Variants in PDE7B observed in about 807,000 individuals in gnomAD.
PDE7B encodes 3',5'-cyclic-AMP phosphodiesterase 7B.
A neutral mutation model predicts 56.2 loss-of-function variants in PDE7B; 29 were observed. The ratio of observed to expected loss-of-function variants is 0.52; its 90% CI spans 0.38 to 0.70. PDE7B has a LOEUF of 0.70. PDE7B is among the 30% of genes least tolerant of loss of function. The pLI, the probability that PDE7B is intolerant of heterozygous loss-of-function variation, is 0.00. For synonymous variants in PDE7B, 197 were observed against 196.9 expected, an observed-to-expected ratio of 1.00 and a Z score of 0.00; for missense variants, 490 against 565.0, an observed-to-expected ratio of 0.87 and a Z score of 1.35.
intron 1 of PDE7B, among the ~76,000 whole-genome samples, chr6:135,938,843 C>G (rs1774462421): frequency 6.6e-6 from 1 of 152,178 alleles, no homozygotes; most frequent in South Asian, 2.1e-4. Flanking sequence ...ACAGAAAACA[C>G]AGTTCTGCAT....
At chr6:136,017,133 C>A (rs952911086) in intron 2 of PDE7B, among the ~76,000 whole-genome samples, 1 of 152,136 alleles carries the variant, frequency 6.6e-6, no homozygotes, top group Non-Finnish European at 1.5e-5. Context: ...TAATTGATAT[C>A]ATCATAAGGT....
chr6:135,853,045 T>C (rs1049589204), intron 1 of PDE7B, among the ~76,000 whole-genome samples: 21 of 152,036 alleles, frequency 1.4e-4, no homozygotes, highest in Admixed American at 3.9e-4. Context: ...ATCCAAAGAG[T>C]CGGTTTTTGT....
intron 2 of PDE7B, among the ~76,000 whole-genome samples, chr6:135,972,293 A>C (rs1308048753): frequency 1.3e-5 from 2 of 151,222 alleles, no homozygotes; most frequent in East Asian, 3.9e-4. Flanking sequence ...TGCTCCAGAC[A>C]TGCAACTCAT....
At chr6:135,932,854 A>T (rs1419451356) in intron 1 of PDE7B, among the ~76,000 whole-genome samples, 1 of 152,186 alleles carries the variant, frequency 6.6e-6, no homozygotes, top group Non-Finnish European at 1.5e-5. Flanking sequence ...CTTCCCTTTG[A>T]TTGGAGAGCA....
chr6:136,093,691 T>G (rs1360199072), intron 2 of PDE7B, among the ~76,000 whole-genome samples: 1 of 152,062 alleles, frequency 6.6e-6, no homozygotes, highest in Non-Finnish European at 1.5e-5. Context: ...CTGGGAGCCA[T>G]GAGCAGAGAG....
chr6:136,163,033 A>G (rs898337343), intron 8 of PDE7B, among the ~76,000 whole-genome samples: 1 of 152,136 alleles, frequency 6.6e-6, no homozygotes, highest in Non-Finnish European at 1.5e-5. Flanking sequence ...GGTGCAAGCT[A>G]TAGGTGGATC....
In PDE7B at chr6:136,181,125, C is replaced by G. The variant is rs929755644; in HGVS notation, c.949-102C>G. The G allele has an allele frequency of 1.3e-5, 10 of 788,768 alleles. No homozygotes were observed. The African/African-American group carries it at 1.7e-4, about 13-fold the overall frequency. 48.9% of individuals were successfully genotyped at this position (788,768 alleles called of 1,614,324 possible). On this transcript the variant is annotated intron_variant, in intron 10 of 12. Coordinates refer to ENST00000308191, the MANE Select transcript of PDE7B (RefSeq NM_018945.4). ...GTACTCTGTAAATATGGGCCTGGTA[C>G]TGTGAGCAGACTGAACAGCTTGATA...
At chr6:136,065,390 T>C (rs760680045) in intron 2 of PDE7B, among the ~76,000 whole-genome samples, 9 of 152,204 alleles carry the variant, frequency 5.9e-5, no homozygotes, top group Non-Finnish European at 1.3e-4. Context: ...TATGAGTGTC[T>C]TGCTAATTTA....
At chr6:135,972,888 C>A (rs1408136312) in intron 2 of PDE7B, among the ~76,000 whole-genome samples, 1 of 152,182 alleles carries the variant, frequency 6.6e-6, no homozygotes, top group Non-Finnish European at 1.5e-5. Context: ...AAAAAACAAT[C>A]TTTCACCCCC....
chr6:136,103,127 G>A (rs1486151379), intron 2 of PDE7B, among the ~76,000 whole-genome samples: 1 of 152,162 alleles, frequency 6.6e-6, no homozygotes, highest in Non-Finnish European at 1.5e-5. Flanking sequence ...GGAACACACA[G>A]CTAGTGAAAC....
chr6:136,039,307 C>G (rs1776377313), intron 2 of PDE7B, among the ~76,000 whole-genome samples: 1 of 152,014 alleles, frequency 6.6e-6, no homozygotes, highest in Non-Finnish European at 1.5e-5. Flanking sequence ...CTACAGGGCA[C>G]TCTCTTTCTT....
Position 136,001,851 on chromosome 6 carries a change from G to A in PDE7B, c.82+54327G>A, listed in dbSNP as rs6940615. ...TTCAGATTCAGGAAATACAGAGAAC[G>A]CCACAAAGATACTCCTCGAGAAGAG... On this transcript the variant is annotated intron_variant, in intron 2 of 12. Coordinates refer to ENST00000308191, the MANE Select transcript of PDE7B (RefSeq NM_018945.4). Among the ~76,000 whole-genome samples, 448 of 151,658 alleles carry A rather than the reference G, an allele frequency of 3.0e-3. 2 individuals carry two copies. Among genetic ancestry groups the A allele is most frequent in the African/African-American group, 0.01 (416 of 41,368 alleles).
At position 135,944,098 on chromosome 6, in the gene PDE7B, G is replaced by A. The variant is rs200384130; in HGVS notation, c.22-3366G>A. 2.4e-4 allele frequency among the ~76,000 whole-genome samples: 37 copies of A among 152,326 alleles called. No individual in the cohort carries two copies. The East Asian group carries it at 5.0e-3, about 21-fold the overall frequency. On this transcript the variant is annotated intron_variant, in intron 1 of 12. Transcript: ENST00000308191. ...GAGATTGGATCCTGAGAATTAGGCA[G>A]AATCCTGGTGAGCAGCACCAGGTAC... is the stretch of plus-strand genomic sequence containing the variant.
In PDE7B at chr6:135,906,810, G is replaced by GTTTTT. The variant is rs869049424; in HGVS notation, c.22-40632_22-40628dup. The stretch of plus-strand genomic sequence containing the variant: ...TTTGACTCAAATGTTAATGAGGTTT[G>GTTTTT]TTTTTTTTTTTTTTTTTTTTTTTTT... On this transcript the variant is annotated intron_variant, in intron 1 of 12. Transcript: ENST00000308191. Among the ~76,000 whole-genome samples the GTTTTT allele has an allele frequency of 2.2e-3, 131 of 59,534 alleles. 26 individuals are homozygous for GTTTTT. Among genetic ancestry groups the GTTTTT allele is most frequent in the African/African-American group, 6.9e-3 (98 of 14,240 alleles). The allele number at this position is 59,534 out of a possible 152,430, so 39.1% of individuals were successfully genotyped here.
At chr6:136,038,226 G>GCAA (rs756313761) in intron 2 of PDE7B, 2 of 1,298,830 alleles carry the variant, frequency 1.5e-6, no homozygotes, top group African/African-American at 1.5e-5. Flanking sequence ...AGCAGCAGCA[G>GCAA]CAACAGCAGC....
Position 136,147,261 on chromosome 6 carries a change from C to G in PDE7B, c.167-90C>G, listed in dbSNP as rs1024500860. The G allele has an allele frequency of 3.9e-6, 3 of 779,042 alleles. No homozygotes were observed. The African/African-American group carries it at 5.2e-5, about 14-fold the overall frequency. The allele number at this position is 779,042 out of a possible 1,614,324, so 48.3% of individuals were successfully genotyped here. The stretch of plus-strand genomic sequence containing the variant: ...AGTATAGAAAGCATCTTTTAAATTT[C>G]TCTTCTTTTAATGCATTTATTTTTA... On this transcript the variant is annotated intron_variant, in intron 3 of 12. Coordinates refer to ENST00000308191, the MANE Select transcript of PDE7B (RefSeq NM_018945.4).
At chr6:135,896,162 G>A (rs892840692) in intron 1 of PDE7B, among the ~76,000 whole-genome samples, 3 of 152,118 alleles carry the variant, frequency 2.0e-5, no homozygotes, top group Non-Finnish European at 4.4e-5. Flanking sequence ...ATATGAAAAC[G>A]CGGGGAGAGA....
chr6:135,980,443 G>A (rs2128204143), intron 2 of PDE7B, among the ~76,000 whole-genome samples: 1 of 151,832 alleles, frequency 6.6e-6, no homozygotes, highest in East Asian at 1.9e-4. Context: ...TGACAAATGG[G>A]ATCTAATTAA....
At chr6:135,928,503 A>ATT (rs367573812) in intron 1 of PDE7B, among the ~76,000 whole-genome samples, 10,401 of 101,818 alleles carry the variant, frequency 0.1, 887 homozygotes, top group African/African-American at 0.2. Flanking sequence ...ATATATATTT[A>ATT]TATATATATA....
Sources: allele counts gnomAD v4.1 joint callset (sites outside exome capture counted in the v4.1 genomes callset), GRCh38; gene constraint gnomAD v4.1.1; transcripts MANE v1.5; gene names NCBI Gene and HGNC (gene_info 2026-07-23, HGNC 2026-07-21).